The following WDR88 variants were observed in gnomAD, a reference collection of about 807,000 sequenced individuals.
The protein encoded by WDR88 is WD repeat domain 88.
A neutral mutation model predicts 46.8 loss-of-function variants in WDR88; 40 were observed. That is an observed-to-expected ratio of 0.86 (90% CI 0.66 to 1.11). WDR88 has a LOEUF of 1.11. Among genes scored for constraint, WDR88 ranks in the 50% most tolerant of loss-of-function variants. The pLI is 0.00. For missense variants in WDR88, 562 were observed against 602.4 expected (o/e 0.93, Z 0.70); for synonymous variants, 235 against 240.7 (o/e 0.98, Z 0.22).
At position 33,175,459 on chromosome 19, in the gene WDR88, C is replaced by A; in HGVS notation, c.1306C>A (p.Gln436Lys). 1 of 1,614,172 alleles carries A rather than the reference C, an allele frequency of 6.2e-7. No homozygotes were observed. Among genetic ancestry groups the A allele is most frequent in the South Asian group, 1.1e-5 (1 of 91,086 alleles). The part of the protein sequence containing the change: ...KSDTSSEMFT[Q>K]CVFCRIDTRG... Reference sequence around the variant, plus strand: ...TGACACCTCTTCTGAAATGTTCACCCAATGCGTGTTCTGCCGGATAGATAC... The same window carrying A: ...TGACACCTCTTCTGAAATGTTCACCAAATGCGTGTTCTGCCGGATAGATAC... Residue 436 changes from glutamine (Q) to lysine (K), a missense_variant, in exon 11 of 11, where the codon CAA becomes AAA. Coordinates refer to ENST00000355868, the MANE Select transcript of WDR88 (RefSeq NM_173479.4).
intron 8 of WDR88, among the ~76,000 whole-genome samples, chr19:33,161,751 G>A (rs1381802038): frequency 6.6e-6 from 1 of 152,162 alleles, no homozygotes; most frequent in East Asian, 1.9e-4. Flanking sequence ...GATCATTGGA[G>A]GTCAGGAGTT....
chr19:33,144,753 A>G (rs1023258827), intron 2 of WDR88, 91 bp from the exon 3 acceptor site: 8 of 1,194,590 alleles, frequency 6.7e-6, no homozygotes, highest in Non-Finnish European at 8.5e-6. Flanking sequence ...GCTACCAGAG[A>G]TAAGCTAAGG....
chr19:33,158,705 T>TG (rs201576958), intron 7 of WDR88, among the ~76,000 whole-genome samples: 113 of 152,078 alleles, frequency 7.4e-4, no homozygotes, highest in African/African-American at 1.3e-3. Context: ...ACCATTTTTT[T>TG]TTGTTGTTGT....
rs766958277 is a variant in WDR88 at position 33,133,198 on chromosome 19, TAG to T, written c.276+767_276+768del. On this transcript the variant is annotated intron_variant, in intron 1 of 10. Transcript: ENST00000355868. ...AAATAAATAAATAAATAAATAAATA[TAG>T]AGAGAGAGAGAGAAAGAAAGAAAGA... is the stretch of plus-strand genomic sequence containing the variant. 5.0e-5 allele frequency among the ~76,000 whole-genome samples: 4 copies of T among 79,816 alleles called. No individual in the cohort carries two copies. In the East Asian group the frequency reaches 1.1e-3, roughly 22 times the overall value. 52.4% of individuals were successfully genotyped at this position (79,816 alleles called of 152,430 possible).
At chr19:33,162,646 C>T (rs1312720591) in intron 8 of WDR88, among the ~76,000 whole-genome samples, 1 of 152,042 alleles carries the variant, frequency 6.6e-6, no homozygotes. Flanking sequence ...TTTCCTAGAA[C>T]AAAGAATGCA....
rs1298132504 is a variant in WDR88 at position 33,166,608 on chromosome 19, A to G, written c.1149+2343A>G. Among the ~76,000 whole-genome samples the G allele has an allele frequency of 4.0e-5, 6 of 150,398 alleles. No individual in the cohort carries two copies. The Middle Eastern group carries it at 0.018, about 448-fold the overall frequency. ...TGAGACCCTGTCTCTTTAAAAAAAA[A>G]TTATTGAATATTTAAACTTTTGGCT... is the stretch of plus-strand genomic sequence containing the variant. On this transcript the variant is annotated intron_variant, in intron 9 of 10. Coordinates refer to ENST00000355868, the MANE Select transcript of WDR88 (RefSeq NM_173479.4).
intron 1 of WDR88, among the ~76,000 whole-genome samples, chr19:33,133,190 A>T (rs1345700146): frequency 7.8e-6 from 1 of 128,652 alleles, no homozygotes; most frequent in Non-Finnish European, 1.5e-5. Flanking sequence ...TAAATAAATA[A>T]ATAAATATAG....
At chr19:33,147,178 A>G (rs1283507431) in intron 3 of WDR88, among the ~76,000 whole-genome samples, 2 of 151,598 alleles carry the variant, frequency 1.3e-5, no homozygotes, top group Admixed American at 6.6e-5. Context: ...TCAAGGTGGC[A>G]GTGAGCTAGG....
chr19:33,144,815 T>C, intron 2 of WDR88, 29 bp from the exon 3 acceptor site: 1 of 1,605,568 alleles, frequency 6.2e-7, no homozygotes, highest in Non-Finnish European at 8.5e-7. Context: ...GTGACCACTC[T>C]CTTCTCCTCT....
At position 33,164,351 on chromosome 19, in the gene WDR88, G is replaced by C. The variant is rs77268133; in HGVS notation, c.1149+86G>C. The C allele has an allele frequency of 3.2e-3, 4,076 of 1,274,808 alleles. 147 individuals are homozygous for C. In the East Asian group the frequency reaches 0.083, roughly 26 times the overall value. 79.0% of individuals were successfully genotyped at this position (1,274,808 alleles called of 1,614,324 possible). A position where few individuals can be genotyped will look rare whatever the true frequency, so the allele number is the denominator to read the frequency against. Reference sequence around the variant, plus strand: ...GTTATTGCCAAGTATAAAATTCCTGGGTGGGTTCGGTGAGCTGTACCTGAC... The same window carrying C: ...GTTATTGCCAAGTATAAAATTCCTGCGTGGGTTCGGTGAGCTGTACCTGAC... On this transcript the variant is annotated intron_variant, in intron 9 of 10. Transcript: ENST00000355868.
chr19:33,145,546 CT>C (rs1215516548), intron 3 of WDR88, among the ~76,000 whole-genome samples: 2 of 132,972 alleles, frequency 1.5e-5, no homozygotes, highest in African/African-American at 2.8e-5. Flanking sequence ...TTTTTTTTTT[CT>C]TTTTTGAGAC....
At chr19:33,134,871 C>G (rs1271998953) in intron 1 of WDR88, among the ~76,000 whole-genome samples, 1 of 141,570 alleles carries the variant, frequency 7.1e-6, no homozygotes, top group Admixed American at 7.1e-5. Flanking sequence ...CACCTGCAAC[C>G]GGAAGGCCAC....
intron 2 of WDR88, among the ~76,000 whole-genome samples, 177 bp downstream of exon 2, chr19:33,137,964 G>T (rs1024433244): frequency 6.6e-6 from 1 of 152,150 alleles, no homozygotes; most frequent in Non-Finnish European, 1.5e-5. Context: ...ACGAAGTTAG[G>T]GTGGCTGCTG....
Position 33,175,428 on chromosome 19 carries a change from C to T in WDR88, c.1275C>T (p.Phe425=). Reference sequence around the variant, plus strand: ...GATGTGACAGGCCTTTCTCCATCTTCAAGAGTGACACCTCTTCTGAAATGT... The same window carrying T: ...GATGTGACAGGCCTTTCTCCATCTTTAAGAGTGACACCTCTTCTGAAATGT... ...CERCDRPFSI[F]KSDTSSEMFT... Residue 425 remains phenylalanine, a synonymous_variant, in exon 11 of 11, where the codon TTC becomes TTT. Transcript: ENST00000355868. The T allele has an allele frequency of 6.2e-7, 1 of 1,614,166 alleles. No individual in the cohort carries two copies. Among genetic ancestry groups the T allele is most frequent in the South Asian group, 1.1e-5 (1 of 91,076 alleles).
chr19:33,156,798 G>A lies in WDR88; in HGVS notation c.997+256G>A, dbSNP rs78944512. 5.9e-5 allele frequency among the ~76,000 whole-genome samples: 9 copies of A among 152,330 alleles called. No individual in the cohort carries two copies. The East Asian group carries it at 1.7e-3, about 29-fold the overall frequency. On this transcript the variant is annotated intron_variant, in intron 7 of 10. Transcript: ENST00000355868. ...AATGGAAAAGTCCAAGAGCACGTCT[G>A]ACTTCAGGCATGGATGGGACAAGAG...
chr19:33,171,144 C>A (rs897785999), intron 9 of WDR88, among the ~76,000 whole-genome samples: 5 of 152,090 alleles, frequency 3.3e-5, no homozygotes, highest in Non-Finnish European at 7.4e-5. Context: ...CAGCACCAGG[C>A]CTGGCTAATT....
At chr19:33,151,841 C>T (rs926394036) in intron 6 of WDR88, among the ~76,000 whole-genome samples, 4 of 151,998 alleles carry the variant, frequency 2.6e-5, no homozygotes, top group African/African-American at 9.7e-5. Context: ...GATTGCACCA[C>T]TGCACCCCAG....
chr19:33,140,101 G>A lies in WDR88; in HGVS notation c.387+2314G>A, dbSNP rs1973359061. On this transcript the variant is annotated intron_variant, in intron 2 of 10. Transcript: ENST00000355868. ...TCAAGATCTTGTTAGAAAAACTGCT[G>A]GTTTCTCTGGGAGCCTCACCCCCAC... 2.6e-5 allele frequency among the ~76,000 whole-genome samples: 4 copies of A among 152,138 alleles called. No individual in the cohort carries two copies. In the South Asian group the frequency reaches 8.3e-4, roughly 31 times the overall value.
chr19:33,149,668 T>C (rs899374166), intron 5 of WDR88, among the ~76,000 whole-genome samples: 5 of 151,942 alleles, frequency 3.3e-5, no homozygotes, highest in African/African-American at 1.2e-4. Flanking sequence ...TTTTTTTTTT[T>C]TCTTTTTTGA....
Sources: allele counts gnomAD v4.1 joint callset (sites outside exome capture counted in the v4.1 genomes callset), GRCh38; gene constraint gnomAD v4.1.1; transcripts MANE v1.5; gene names NCBI Gene and HGNC (gene_info 2026-07-23, HGNC 2026-07-21).